The following ITPR2 variants were observed in gnomAD, a reference collection of about 807,000 sequenced individuals.
The protein encoded by ITPR2 is inositol 1,4,5-trisphosphate receptor type 2.
A neutral mutation model predicts 317.1 loss-of-function variants in ITPR2; 207 were observed. The ratio of observed to expected loss-of-function variants is 0.65; its 90% CI spans 0.58 to 0.73. ITPR2 has a LOEUF of 0.73. Among genes scored for constraint, ITPR2 ranks in the 30% least tolerant of loss-of-function variants. ITPR2 has a pLI of 0.00. For missense variants in ITPR2, 2,613 were observed against 3,284.0 expected, an observed-to-expected ratio of 0.80 and a Z score of 4.99; for synonymous variants, 1,156 against 1,149.1, an observed-to-expected ratio of 1.01 and a Z score of -0.12.
At chr12:26,719,270 G>A (rs77355683) in intron 5 of ITPR2, among the ~76,000 whole-genome samples, 4,341 of 152,268 alleles carry the variant, frequency 0.029, 222 homozygotes, top group African/African-American at 0.099. Flanking sequence ...AGCTCAGGAC[G>A]TGATTCACAG....
intron 26 of ITPR2, among the ~76,000 whole-genome samples, chr12:26,607,098 C>T (rs1407111951): frequency 1.3e-5 from 2 of 152,188 alleles, no homozygotes; most frequent in Admixed American, 6.5e-5. Context: ...TTCTATTTAT[C>T]CCTATCCCAC....
At chr12:26,347,519 G>T (rs1938346676) in intron 55 of ITPR2, among the ~76,000 whole-genome samples, 1 of 152,168 alleles carries the variant, frequency 6.6e-6, no homozygotes, top group South Asian at 2.1e-4. Context: ...AAGGGGATTA[G>T]TTACTTGCCC....
intron 37 of ITPR2, among the ~76,000 whole-genome samples, chr12:26,528,034 C>G (rs1271868250): frequency 1.3e-5 from 2 of 152,192 alleles, no homozygotes; most frequent in African/African-American, 4.8e-5. Flanking sequence ...CTGCCTGACC[C>G]CAAGAGCAGG....
At chr12:26,784,784 C>A (rs1322099182) in intron 2 of ITPR2, among the ~76,000 whole-genome samples, 1 of 144,332 alleles carries the variant, frequency 6.9e-6, no homozygotes, top group Non-Finnish European at 1.5e-5. Flanking sequence ...AAGTGGGGAG[C>A]GTCTCTGCCT....
At chr12:26,717,815 C>A (rs888271681) in intron 5 of ITPR2, among the ~76,000 whole-genome samples, 1 of 152,122 alleles carries the variant, frequency 6.6e-6, no homozygotes, top group Admixed American at 6.6e-5. Flanking sequence ...ATCTTTGAAC[C>A]ATGAATTGGT....
chr12:26,539,525 C>T (rs77750883), intron 37 of ITPR2, among the ~76,000 whole-genome samples: 14,647 of 152,180 alleles, frequency 0.096, 956 homozygotes, highest in African/African-American at 0.18. Flanking sequence ...CCAGGACGAG[C>T]GCCCTTCCTG....
chr12:26,668,640 G>C (rs1392673144), intron 13 of ITPR2, among the ~76,000 whole-genome samples: 4 of 152,206 alleles, frequency 2.6e-5, no homozygotes, highest in African/African-American at 9.7e-5. Context: ...CCACCATACA[G>C]TATCAGGAGG....
At chr12:26,362,955 G>A (rs1821629171) in intron 55 of ITPR2, among the ~76,000 whole-genome samples, 1 of 152,162 alleles carries the variant, frequency 6.6e-6, no homozygotes, top group South Asian at 2.1e-4. Flanking sequence ...GACACAGGAA[G>A]AAAAACTAAG....
intron 45 of ITPR2, among the ~76,000 whole-genome samples, chr12:26,461,679 TAC>T (rs1427964512): frequency 3.3e-5 from 2 of 59,740 alleles, no homozygotes; most frequent in South Asian, 7.8e-4. Flanking sequence ...TATGCACACA[TAC>T]ATATATATAT....
At chr12:26,352,085 G>A (rs1436313393) in intron 55 of ITPR2, among the ~76,000 whole-genome samples, 1 of 152,162 alleles carries the variant, frequency 6.6e-6, no homozygotes, top group African/African-American at 2.4e-5. Flanking sequence ...TCATTACTGT[G>A]GGGTCCTGAT....
chr12:26,419,015 T>C, intron 50 of ITPR2, 34 bp downstream of exon 50: 1 of 1,571,200 alleles, frequency 6.4e-7, no homozygotes, highest in Non-Finnish European at 8.7e-7. Context: ...GTGTACTTTT[T>C]CAGCAGTGAT....
intron 45 of ITPR2, among the ~76,000 whole-genome samples, chr12:26,456,608 A>G (rs1312862473): frequency 1.3e-5 from 2 of 152,182 alleles, no homozygotes; most frequent in Non-Finnish European, 2.9e-5. Flanking sequence ...GACTTGCCCC[A>G]AATTCTTTCT....
intron 37 of ITPR2, among the ~76,000 whole-genome samples, chr12:26,507,861 CTCTGTGTGTGTG>C (rs1943230075): frequency 8.3e-6 from 1 of 120,876 alleles, no homozygotes; most frequent in Non-Finnish European, 1.7e-5. Flanking sequence ...CTCTCTCTGT[CTCTGTGTGTGTG>C]TGTGTGTGTG....
At chr12:26,458,699 T>C (rs1466737173) in intron 45 of ITPR2, among the ~76,000 whole-genome samples, 1 of 152,234 alleles carries the variant, frequency 6.6e-6, no homozygotes, top group Non-Finnish European at 1.5e-5. Context: ...AATTGTTTTC[T>C]GTTAAAACTA....
At chr12:26,650,010 G>A (rs1167867850) in intron 21 of ITPR2, among the ~76,000 whole-genome samples, 1 of 152,086 alleles carries the variant, frequency 6.6e-6, no homozygotes, top group African/African-American at 2.4e-5. Context: ...CTAGAACTGT[G>A]TCTGGCATGT....
intron 31 of ITPR2, among the ~76,000 whole-genome samples, chr12:26,596,419 G>A (rs1945845901): frequency 6.6e-6 from 1 of 152,164 alleles, no homozygotes; most frequent in Non-Finnish European, 1.5e-5. Flanking sequence ...GGCCGAGGCA[G>A]GTGAATCACC....
At chr12:26,425,999 CTT>C (rs1941049382) in intron 49 of ITPR2, among the ~76,000 whole-genome samples, 1 of 152,178 alleles carries the variant, frequency 6.6e-6, no homozygotes, top group African/African-American at 2.4e-5. Context: ...TTCCTTATCT[CTT>C]TATATATTCT....
chr12:26,623,026 A>G (rs2136809581), intron 24 of ITPR2, among the ~76,000 whole-genome samples: 1 of 152,298 alleles, frequency 6.6e-6, no homozygotes, highest in South Asian at 2.1e-4. Context: ...ACTAAACTAA[A>G]TGTTCACTAG....
intron 26 of ITPR2, among the ~76,000 whole-genome samples, chr12:26,615,859 T>A (rs1032939406): frequency 6.6e-6 from 1 of 151,942 alleles, no homozygotes; most frequent in Non-Finnish European, 1.5e-5. Context: ...GTCAAGAAAA[T>A]AAAAATATTA....
Sources: allele counts gnomAD v4.1 joint callset (sites outside exome capture counted in the v4.1 genomes callset), GRCh38; gene constraint gnomAD v4.1.1; transcripts MANE v1.5; gene names NCBI Gene and HGNC (gene_info 2026-07-23, HGNC 2026-07-21).